Variants in ETV6 observed in about 807,000 individuals in gnomAD.
The protein encoded by ETV6 is transcription factor ETV6.
Under a neutral mutation model 51.1 loss-of-function variants are expected in ETV6, and 16 were observed. The ratio of observed to expected loss-of-function variants is 0.31; its 90% confidence interval spans 0.21 to 0.48. The LOEUF (loss-of-function observed/expected upper bound fraction) is 0.48. Ranked by LOEUF, ETV6 falls within the 20% of genes least tolerant of loss-of-function variation. ETV6 has a pLI of 0.99. For synonymous variants in ETV6, 240 were observed against 224.1 expected (o/e 1.07, Z -0.64); for missense variants, 458 against 594.8 (o/e 0.77, Z 2.39).
Position 11,874,532 on chromosome 12 carries a change from A to G in ETV6, c.1009+4563A>G, listed in dbSNP as rs369588962. ...TGCGTGTGTACACACATATATGTGT[A>G]TGTGCGTGTGTACACACATATATGT... On this transcript the variant is annotated intron_variant, in intron 5 of 7. Transcript: ENST00000396373. Among the ~76,000 whole-genome samples, 6 of 10,212 alleles carry G rather than the reference A, an allele frequency of 5.9e-4. 2 individuals are homozygous for G. The highest frequency in any genetic ancestry group is 1.4e-3 in the African/African-American group (6 of 4,410). The allele number at this position is 10,212 out of a possible 152,430, so 6.7% of individuals were successfully genotyped here.
intron 2 of ETV6, among the ~76,000 whole-genome samples, chr12:11,814,183 G>A (rs755945419): frequency 3.9e-5 from 6 of 152,126 alleles, no homozygotes; most frequent in African/African-American, 1.4e-4. Flanking sequence ...TACCCACTCA[G>A]GAATCAAAGA....
intron 5 of ETV6, among the ~76,000 whole-genome samples, chr12:11,879,494 A>G (rs937662300): frequency 6.6e-6 from 1 of 152,200 alleles, no homozygotes; most frequent in Non-Finnish European, 1.5e-5. Flanking sequence ...CTGGTAAGAG[A>G]CAGACGTGGG....
chr12:11,700,075 G>A (rs935238507), intron 1 of ETV6, among the ~76,000 whole-genome samples: 2 of 152,084 alleles, frequency 1.3e-5, no homozygotes, highest in Admixed American at 1.3e-4. Flanking sequence ...AATCAACTTT[G>A]ATCCCCTTTC....
Position 11,764,814 on chromosome 12 carries a change from C to T in ETV6, c.163+12235C>T, listed in dbSNP as rs374936739. 6.4e-4 allele frequency among the ~76,000 whole-genome samples: 97 copies of T among 152,250 alleles called. 4 individuals are homozygous for T. Among genetic ancestry groups the T allele is most frequent in the African/African-American group, 2.2e-3 (92 of 41,524 alleles). On this transcript the variant is annotated intron_variant, in intron 2 of 7. Coordinates refer to ENST00000396373, the MANE Select transcript of ETV6 (RefSeq NM_001987.5). ...CCATTTATTGAGTGCTTATGGTAGG[C>T]GCTTTTCACATGTATTGTATCATTT...
chr12:11,788,756 G>GTTTTT (rs1336998892), intron 2 of ETV6, among the ~76,000 whole-genome samples: 4 of 102,486 alleles, frequency 3.9e-5, no homozygotes, highest in Non-Finnish European at 6.6e-5. Context: ...GCTTGTATTG[G>GTTTTT]TTTTTTTTTT....
intron 2 of ETV6, among the ~76,000 whole-genome samples, chr12:11,785,853 A>G (rs1004923883): frequency 6.6e-5 from 10 of 152,120 alleles, no homozygotes; most frequent in African/African-American, 2.2e-4. Flanking sequence ...ACCCTTCACA[A>G]TCCTCTAGCT....
At position 11,743,654 on chromosome 12, in the gene ETV6, C is replaced by T. The variant is rs200719094; in HGVS notation, c.34-8796C>T. ...TGGCTCTCATGTCACATCTTTAAAA[C>T]CTCAAGTTTCTTATTAGGCATGTGT... On this transcript the variant is annotated intron_variant, in intron 1 of 7. Coordinates refer to ENST00000396373, the MANE Select transcript of ETV6 (RefSeq NM_001987.5). Among the ~76,000 whole-genome samples, 5 of 152,224 alleles carry T rather than the reference C, an allele frequency of 3.3e-5. No homozygotes were observed. The East Asian group carries it at 9.6e-4, about 29-fold the overall frequency.
chr12:11,654,187 A>T (rs1863958045), intron 1 of ETV6, among the ~76,000 whole-genome samples: 1 of 152,220 alleles, frequency 6.6e-6, no homozygotes, highest in Non-Finnish European at 1.5e-5. Context: ...GAAATTGAGG[A>T]AAAGGTACAA....
At chr12:11,698,329 T>C (rs562327215) in intron 1 of ETV6, among the ~76,000 whole-genome samples, 14 of 152,362 alleles carry the variant, frequency 9.2e-5, no homozygotes, top group African/African-American at 3.4e-4. Context: ...TCATTTCTTA[T>C]CTCAGTTTCT....
intron 1 of ETV6, among the ~76,000 whole-genome samples, chr12:11,699,155 GACA>G (rs1321223330): frequency 6.6e-6 from 1 of 152,114 alleles, no homozygotes; most frequent in East Asian, 1.9e-4. Flanking sequence ...AAAATGAAAG[GACA>G]ACATTCTTTC....
At chr12:11,748,519 GGT>G (rs1236742808) in intron 1 of ETV6, among the ~76,000 whole-genome samples, 2 of 152,074 alleles carry the variant, frequency 1.3e-5, no homozygotes, top group Non-Finnish European at 2.9e-5. Flanking sequence ...CTTTTCAGAG[GGT>G]ATAATAATAA....
intron 2 of ETV6, among the ~76,000 whole-genome samples, chr12:11,766,580 GAGCAGCC>G (rs1472516874): frequency 6.6e-6 from 1 of 152,160 alleles, no homozygotes; most frequent in Non-Finnish European, 1.5e-5. Flanking sequence ...CAGCTCTCGA[GAGCAGCC>G]GGCAGCCAGG....
intron 1 of ETV6, among the ~76,000 whole-genome samples, chr12:11,743,280 T>G (rs892480515): frequency 6.6e-6 from 1 of 152,256 alleles, no homozygotes; most frequent in Admixed American, 6.5e-5. Context: ...TTTCCAGAGA[T>G]ATAAATCTTT....
intron 1 of ETV6, among the ~76,000 whole-genome samples, chr12:11,744,179 G>C (rs914090843): frequency 6.6e-6 from 1 of 152,214 alleles, no homozygotes; most frequent in Non-Finnish European, 1.5e-5. Context: ...GAGAAGCGCT[G>C]TCTAATGGTG....
At chr12:11,804,802 G>A (rs1027455283) in intron 2 of ETV6, among the ~76,000 whole-genome samples, 1 of 152,186 alleles carries the variant, frequency 6.6e-6, no homozygotes, top group African/African-American at 2.4e-5. Context: ...GGGGTATGAT[G>A]CCAGTGGGTC....
At chr12:11,746,659 T>G (rs112447999) in intron 1 of ETV6, among the ~76,000 whole-genome samples, 250 of 152,328 alleles carry the variant, frequency 1.6e-3, no homozygotes, top group Admixed American at 3.1e-3. Flanking sequence ...TAATGCCTGC[T>G]ATAGGCCTAG....
At chr12:11,826,868 G>A (rs1282431240) in intron 2 of ETV6, among the ~76,000 whole-genome samples, 1 of 152,074 alleles carries the variant, frequency 6.6e-6, no homozygotes, top group Admixed American at 6.5e-5. Context: ...GTGGTGTTTA[G>A]CTTTCCTGAC....
chr12:11,826,431 G>C (rs986318527), intron 2 of ETV6: 1 of 152,000 alleles, frequency 6.6e-6, no homozygotes, highest in Admixed American at 6.6e-5. Flanking sequence ...TTGAAGAATC[G>C]TAAGCCATGA....
At chr12:11,768,287 C>G (rs1325877890) in intron 2 of ETV6, among the ~76,000 whole-genome samples, 1 of 152,174 alleles carries the variant, frequency 6.6e-6, no homozygotes, top group Non-Finnish European at 1.5e-5. Context: ...AACTTAGATA[C>G]CATGTGGAAA....
Sources: gnomAD v4.1 joint callset for allele counts (sites outside exome capture counted in the v4.1 genomes callset) on GRCh38, gnomAD v4.1.1 for gene constraint, MANE v1.5 for transcripts, NCBI Gene and HGNC (gene_info 2026-07-23, HGNC 2026-07-21) for gene names.